The following PATJ variants were observed in gnomAD, a reference collection of about 807,000 sequenced individuals.
PATJ encodes the protein PATJ crumbs cell polarity complex component, also known as inaD-like protein.
In PATJ, 190 loss-of-function variants were observed where a neutral mutation model predicts 224.9. The ratio of observed to expected loss-of-function variants is 0.84; its 90% CI spans 0.75 to 0.95. The LOEUF is 0.95. Ranked by LOEUF, PATJ falls within the 40% of genes least tolerant of loss-of-function variation. The pLI, the probability that PATJ is intolerant of heterozygous loss-of-function variation, is 0.00. For synonymous variants in PATJ, 769 were observed against 820.3 expected (o/e 0.94, Z 1.07); for missense variants, 2,121 against 2,270.3 (o/e 0.93, Z 1.34).
intron 27 of PATJ, among the ~76,000 whole-genome samples, chr1:61,954,253 G>A (rs1472222676): frequency 6.6e-6 from 1 of 152,058 alleles, no homozygotes; most frequent in Non-Finnish European, 1.5e-5. Context: ...TATGTTCACT[G>A]CTTTGGCATT....
At chr1:62,127,785 T>A (rs559657500) in intron 39 of PATJ, among the ~76,000 whole-genome samples, 187 bp from the exon 40 acceptor site, 1 of 152,104 alleles carries the variant, frequency 6.6e-6, no homozygotes, top group African/African-American at 2.4e-5. Flanking sequence ...CCAGCCTGGA[T>A]AACAAGAGCG....
At chr1:62,037,953 T>G in intron 29 of PATJ, 24 bp from the exon 30 acceptor site, 1 of 1,555,964 alleles carries the variant, frequency 6.4e-7, no homozygotes, top group Non-Finnish European at 8.8e-7. Flanking sequence ...GTGTACTGAT[T>G]CTGCCTATTT....
intron 23 of PATJ, among the ~76,000 whole-genome samples, chr1:61,900,790 C>T (rs1343280656): frequency 6.6e-6 from 1 of 152,072 alleles, no homozygotes; most frequent in African/African-American, 2.4e-5. Flanking sequence ...GGGGTTTCAC[C>T]ATGTTAGCCA....
intron 26 of PATJ, among the ~76,000 whole-genome samples, chr1:61,918,652 T>C (rs776724507): frequency 5.3e-5 from 8 of 152,240 alleles, no homozygotes; most frequent in Non-Finnish European, 4.4e-5. Context: ...TTCATAGTAG[T>C]TCTTTTTCAT....
intron 7 of PATJ, among the ~76,000 whole-genome samples, chr1:61,785,214 T>C (rs1474148827): frequency 6.6e-6 from 1 of 152,230 alleles, no homozygotes; most frequent in Non-Finnish European, 1.5e-5. Flanking sequence ...GTCATTGCTC[T>C]CTTTTCAAGC....
chr1:62,050,047 C>T (rs996751057), intron 30 of PATJ, among the ~76,000 whole-genome samples: 1 of 144,804 alleles, frequency 6.9e-6, no homozygotes, highest in Non-Finnish European at 1.5e-5. Flanking sequence ...ACCCGGGAGG[C>T]GAAGGTTGCA....
At chr1:61,918,178 G>C (rs1571284196) in intron 26 of PATJ, 2 of 150,862 alleles carry the variant, frequency 1.3e-5, no homozygotes, top group East Asian at 3.9e-4. Flanking sequence ...TACTGATTTA[G>C]TTCTTTAATA....
intron 34 of PATJ, 150 bp downstream of exon 34, chr1:62,108,670 A>G (rs1353607446): frequency 2.1e-6 from 1 of 476,890 alleles, no homozygotes; most frequent in East Asian, 3.1e-5. Context: ...TCTTCAGTGT[A>G]CATTATACAG....
intron 33 of PATJ, among the ~76,000 whole-genome samples, chr1:62,089,999 T>G (rs2148786744): frequency 6.6e-6 from 1 of 152,276 alleles, no homozygotes; most frequent in African/African-American, 2.4e-5. Flanking sequence ...AAAAGATATT[T>G]TTGCTGTCTT....
intron 27 of PATJ, among the ~76,000 whole-genome samples, chr1:61,946,166 C>T (rs1678668795): frequency 6.6e-6 from 1 of 152,028 alleles, no homozygotes; most frequent in Admixed American, 6.6e-5. Flanking sequence ...ACTAGAGAAG[C>T]AAGAGCAAAC....
intron 31 of PATJ, among the ~76,000 whole-genome samples, chr1:62,062,392 CTTTTTTTTTTTTTT>C (rs60747316): frequency 3.5e-5 from 1 of 28,458 alleles, no homozygotes; most frequent in Non-Finnish European, 5.9e-5. Context: ...ATGTTGTCTT[CTTTTTTTTTTTTTT>C]TTTTTTTTTT....
rs747640923 is a variant in PATJ, at chr1:61,813,334, CATATATATATATATATATATATAT to C, written c.1683+4826_1683+4849del. Among the ~76,000 whole-genome samples, 51 of 63,080 alleles carry C rather than the reference CATATATATATATATATATATATAT, an allele frequency of 8.1e-4. 1 individual carries two copies. Among genetic ancestry groups the C allele is most frequent in the African/African-American group, 1.7e-3 (30 of 17,860 alleles). 41.4% of individuals were successfully genotyped at this position (63,080 alleles called of 152,430 possible). A position where few individuals can be genotyped will look rare whatever the true frequency, so the allele number is the denominator to read the frequency against. ...TCCTGATCAACCTCTATGGAATGTA[CATATATATATATATATATATATAT>C]ATATATATATATATATATATACACA... On this transcript the variant is annotated intron_variant, in intron 14 of 43. Transcript: ENST00000642238.
intron 33 of PATJ, among the ~76,000 whole-genome samples, chr1:62,102,391 T>C (rs1007147235): frequency 1.1e-4 from 17 of 152,202 alleles, no homozygotes; most frequent in Non-Finnish European, 2.4e-4. Flanking sequence ...TTGATAGAAA[T>C]TAATCTTTTT....
intron 31 of PATJ, among the ~76,000 whole-genome samples, chr1:62,055,384 G>A (rs1175640070): frequency 2.0e-5 from 3 of 152,190 alleles, no homozygotes; most frequent in Non-Finnish European, 2.9e-5. Context: ...CTCTTTTGAA[G>A]TGGTATAATT....
intron 31 of PATJ, among the ~76,000 whole-genome samples, chr1:62,055,511 A>T (rs1654391446): frequency 6.6e-6 from 1 of 152,222 alleles, no homozygotes; most frequent in South Asian, 2.1e-4. Flanking sequence ...GATTCAGTTT[A>T]TGCCTCTGTA....
intron 33 of PATJ, among the ~76,000 whole-genome samples, chr1:62,097,724 A>G (rs900317618): frequency 1.3e-5 from 2 of 152,232 alleles, no homozygotes; most frequent in Non-Finnish European, 1.5e-5. Context: ...AAACAAATAA[A>G]TAGTTGTTTT....
intron 22 of PATJ, among the ~76,000 whole-genome samples, chr1:61,884,628 G>A (rs1038174032): frequency 5.3e-5 from 8 of 152,036 alleles, no homozygotes; most frequent in Admixed American, 3.9e-4. Context: ...GCACAAAATG[G>A]ATTAGAGTAT....
At chr1:61,802,540 A>G (rs1200062881) in intron 12 of PATJ, among the ~76,000 whole-genome samples, 2 of 152,096 alleles carry the variant, frequency 1.3e-5, no homozygotes, top group African/African-American at 4.8e-5. Flanking sequence ...TGGCCCCCCA[A>G]AGTGCTGAGA....
At chr1:62,139,769 T>TTC (rs546898743) in intron 41 of PATJ, among the ~76,000 whole-genome samples, 3 of 150,382 alleles carry the variant, frequency 2.0e-5, no homozygotes, top group African/African-American at 7.3e-5. Flanking sequence ...TTTTTTTTTC[T>TTC]TTTTTTTTGA....
Sources: gnomAD v4.1 joint callset for allele counts (sites outside exome capture counted in the v4.1 genomes callset) on GRCh38, gnomAD v4.1.1 for gene constraint, MANE v1.5 for transcripts, NCBI Gene and HGNC (gene_info 2026-07-23, HGNC 2026-07-21) for gene names.